The following ENTPD1 variants were observed in gnomAD, a reference collection of about 807,000 sequenced individuals.
The protein encoded by ENTPD1 is ATP diphosphohydrolase.
Under a neutral mutation model 57.0 loss-of-function variants are expected in ENTPD1, and 33 were observed. The observed-to-expected ratio is 0.58, with a 90% CI of 0.44 to 0.77. The LOEUF is 0.77. ENTPD1 is among the 30% of genes least tolerant of loss of function. The probability of loss-of-function intolerance (pLI) is 0.00; values close to 1 mark genes in which losing one functional copy is unlikely to be tolerated. For missense variants in ENTPD1, 501 were observed against 603.4 expected, an observed-to-expected ratio of 0.83 and a Z score of 1.78; for synonymous variants, 202 against 218.8, an observed-to-expected ratio of 0.92 and a Z score of 0.68.
intron 8 of ENTPD1, chr10:95,861,429 C>G (rs995610492): frequency 3.9e-5 from 6 of 152,118 alleles, no homozygotes; most frequent in Non-Finnish European, 1.5e-5. Context: ...TTGACAGTTG[C>G]AAAAGTGAAT....
At position 95,845,340 on chromosome 10, in the gene ENTPD1, A is replaced by G. The variant is rs867105947; in HGVS notation, c.574-17A>G. ...TGTCCAGAGACTTCTAGCACTGGTA[A>G]CTGTACTGTCTTTCAGAAAACAAGG... is the stretch of plus-strand genomic sequence containing the variant. On this transcript the variant is annotated splice_polypyrimidine_tract_variant and intron_variant, in intron 5 of 9. Coordinates refer to ENST00000371205, the MANE Select transcript of ENTPD1 (RefSeq NM_001776.6). 6.2e-7 allele frequency: 1 copy of G among 1,614,162 alleles called. No individual in the cohort carries two copies. The highest frequency in any genetic ancestry group is 1.3e-5 in the African/African-American group (1 of 75,050).
chr10:95,855,132 G>A (rs553297521), intron 7 of ENTPD1, among the ~76,000 whole-genome samples: 71 of 152,238 alleles, frequency 4.7e-4, no homozygotes, highest in Admixed American at 1.8e-3. Flanking sequence ...TGTATTGGGT[G>A]CATATATATT....
In ENTPD1 at chr10:95,864,718, T is replaced by G. The variant is rs780384743; in HGVS notation, c.1189-6T>G. On this transcript the variant is annotated splice_polypyrimidine_tract_variant and splice_region_variant and intron_variant, in intron 8 of 9. Coordinates refer to ENST00000371205, the MANE Select transcript of ENTPD1 (RefSeq NM_001776.6). ...GAGTATGATCTCCCCCTCACTTCAC[T>G]TCTAGATAAAAACATCTTACGCTGG... 3 of 1,613,958 alleles carry G rather than the reference T, an allele frequency of 1.9e-6. No individual in the cohort carries two copies. The South Asian group carries it at 3.3e-5, about 18-fold the overall frequency.
the ENTPD1 span, among the ~76,000 whole-genome samples, chr10:95,698,126 GGA>G: frequency 6.6e-6 from 1 of 152,160 alleles, no homozygotes; most frequent in East Asian, 1.9e-4. Context: ...GATTTGAGAT[GGA>G]ACTGAGGAAG....
At chr10:95,816,236 C>CT (rs1488682719) in intron 1 of ENTPD1, among the ~76,000 whole-genome samples, 1 of 152,164 alleles carries the variant, frequency 6.6e-6, no homozygotes, top group Non-Finnish European at 1.5e-5. Flanking sequence ...AATGTGATAA[C>CT]TGTCAAACCA....
intron 1 of ENTPD1, among the ~76,000 whole-genome samples, chr10:95,806,871 C>T (rs891545540): frequency 1.3e-5 from 2 of 151,814 alleles, no homozygotes; most frequent in Non-Finnish European, 2.9e-5. Context: ...CCTGATCCTT[C>T]CTCTGGAAGC....
intron 1 of ENTPD1, among the ~76,000 whole-genome samples, chr10:95,809,940 TCTC>T (rs2098295877): frequency 7.8e-6 from 1 of 127,872 alleles, no homozygotes; most frequent in Non-Finnish European, 1.6e-5. Flanking sequence ...GCTCCTCACT[TCTC>T]AGACGGGGCG....
chr10:95,831,667 CCCATGCTGATGAT>C (rs1368588911), intron 2 of ENTPD1, among the ~76,000 whole-genome samples: 1 of 152,238 alleles, frequency 6.6e-6, no homozygotes, highest in Non-Finnish European at 1.5e-5. Context: ...GGTCAGCCCA[CCCATGCTGATGAT>C]CCAGTCTTGT....
intron 3 of ENTPD1, 51 bp from the exon 4 acceptor site, chr10:95,842,293 T>G: frequency 6.6e-7 from 1 of 1,506,792 alleles, no homozygotes; most frequent in Non-Finnish European, 9.2e-7. Context: ...TGTCAAGGTA[T>G]GTTTTATAAT....
chr10:95,763,126 T>C (rs1199133486), intron 1 of ENTPD1, among the ~76,000 whole-genome samples: 1 of 152,144 alleles, frequency 6.6e-6, no homozygotes, highest in Non-Finnish European at 1.5e-5. Context: ...GGTTTCACCA[T>C]GTTGCCCAGG....
intron 1 of ENTPD1, among the ~76,000 whole-genome samples, chr10:95,728,259 C>T (rs1280153635): frequency 6.6e-6 from 1 of 152,048 alleles, no homozygotes; most frequent in East Asian, 1.9e-4. Context: ...TTGATTAATA[C>T]ATATTTTGTA....
chr10:95,727,103 T>C (rs1191868235), intron 1 of ENTPD1, among the ~76,000 whole-genome samples: 2 of 152,146 alleles, frequency 1.3e-5, no homozygotes, highest in Admixed American at 6.5e-5. Context: ...CCAAGCAGTT[T>C]AGTCAGGTTA....
chr10:95,758,921 G>A (rs1025658472), intron 1 of ENTPD1, among the ~76,000 whole-genome samples: 3 of 152,312 alleles, frequency 2.0e-5, no homozygotes, highest in East Asian at 1.9e-4. Flanking sequence ...GTCCTCTGAC[G>A]TACTTATTGT....
chr10:95,729,831 A>G (rs1010045286), intron 1 of ENTPD1, among the ~76,000 whole-genome samples: 1 of 152,156 alleles, frequency 6.6e-6, no homozygotes, highest in Non-Finnish European at 1.5e-5. Flanking sequence ...GTGACTTTAC[A>G]TTGGGAGGAT....
At chr10:95,712,397 T>C (rs972839726) in intron 1 of ENTPD1, among the ~76,000 whole-genome samples, 16 of 152,220 alleles carry the variant, frequency 1.1e-4, no homozygotes, top group Non-Finnish European at 2.2e-4. Context: ...TCTCCTATTG[T>C]CTTATTTCAT....
Position 95,758,024 on chromosome 10 carries a change from A to T in ENTPD1, c.16+1769A>T, listed in dbSNP as rs1357869776. 1.6e-4 allele frequency among the ~76,000 whole-genome samples: 23 copies of T among 140,124 alleles called. 1 individual carries two copies. Among genetic ancestry groups the T allele is most frequent in the African/African-American group, 5.7e-4 (20 of 35,232 alleles). 91.9% of individuals were successfully genotyped at this position (140,124 alleles called of 152,430 possible). A position where few individuals can be genotyped will look rare whatever the true frequency, so the allele number is the denominator to read the frequency against. On this transcript the variant is annotated intron_variant, in intron 1 of 9. Transcript: ENST00000371205. ...TCTCAAAAAAAAAAAAAAAAAAAAA[A>T]AAAAAAGATTTGGACTGGATCTGAA...
At chr10:95,718,707 T>C (rs147051980) in intron 1 of ENTPD1, among the ~76,000 whole-genome samples, 5,143 of 152,310 alleles carry the variant, frequency 0.034, 120 homozygotes, top group Non-Finnish European at 0.049. Context: ...CACTAGTTCC[T>C]GGAGCGAGGG....
chr10:95,813,355 A>G (rs1370028828), intron 1 of ENTPD1, among the ~76,000 whole-genome samples: 2 of 152,206 alleles, frequency 1.3e-5, no homozygotes, highest in African/African-American at 4.8e-5. Context: ...ATGTTCAAAA[A>G]ATGGTGGTGA....
At chr10:95,810,792 G>T (rs907301697) in intron 1 of ENTPD1, among the ~76,000 whole-genome samples, 1 of 152,162 alleles carries the variant, frequency 6.6e-6, no homozygotes, top group Non-Finnish European at 1.5e-5. Flanking sequence ...CTCAGAGGAA[G>T]TTCCTGTTTC....
Sources: gnomAD v4.1 joint callset for allele counts (sites outside exome capture counted in the v4.1 genomes callset) on GRCh38, gnomAD v4.1.1 for gene constraint, MANE v1.5 for transcripts, NCBI Gene and HGNC (gene_info 2026-07-23, HGNC 2026-07-21) for gene names.